DENND2B: variants seen among roughly 807,000 people sequenced by gnomAD.
The protein encoded by DENND2B is DENN domain containing 2B.
A neutral mutation model predicts 116.0 loss-of-function variants in DENND2B; 32 were observed. That is an observed-to-expected ratio of 0.28 (90% CI 0.21 to 0.37). DENND2B has a LOEUF of 0.37. Ranked by LOEUF, DENND2B falls within the 10% of genes least tolerant of loss-of-function variation. DENND2B has a pLI of 1.00. For synonymous variants in DENND2B, 588 were observed against 583.9 expected (o/e 1.01, Z -0.10); for missense variants, 1,276 against 1,477.7 (o/e 0.86, Z 2.24).
intron 4 of DENND2B, among the ~76,000 whole-genome samples, chr11:8,816,509 T>C (rs1486646438): frequency 6.8e-6 from 1 of 147,998 alleles, no homozygotes; most frequent in Non-Finnish European, 1.5e-5. Context: ...CATCATCGCA[T>C]CACTGCACTA....
At chr11:8,889,761 G>A (rs1182105422) in intron 1 of DENND2B, among the ~76,000 whole-genome samples, 1 of 152,224 alleles carries the variant, frequency 6.6e-6, no homozygotes, top group Non-Finnish European at 1.5e-5. Flanking sequence ...AAACTGGGTG[G>A]AGTCCACCGC....
chr11:8,717,354 A>G (rs1323249826), intron 5 of DENND2B, among the ~76,000 whole-genome samples: 1 of 152,222 alleles, frequency 6.6e-6, no homozygotes, highest in Non-Finnish European at 1.5e-5. Flanking sequence ...GCAGAATGCC[A>G]AGACTCCCAC....
intron 14 of DENND2B, among the ~76,000 whole-genome samples, chr11:8,701,166 T>C (rs1420299220): frequency 6.6e-6 from 1 of 152,158 alleles, no homozygotes; most frequent in African/African-American, 2.4e-5. Flanking sequence ...ACCTTTGATA[T>C]GCAAATGAAG....
intron 1 of DENND2B, chr11:8,766,674 C>T (rs1417395654): frequency 1.6e-6 from 2 of 1,289,092 alleles, no homozygotes; most frequent in Admixed American, 2.3e-5. Flanking sequence ...CAGCTATGCG[C>T]CCCACCTCCA....
At chr11:8,905,410 A>C (rs747487211) in intron 1 of DENND2B, among the ~76,000 whole-genome samples, 27 of 152,348 alleles carry the variant, frequency 1.8e-4, no homozygotes, top group Non-Finnish European at 3.2e-4. Context: ...GCATAGAGTT[A>C]AATGTAAAAA....
At chr11:8,766,397 C>T (rs1329314516) in intron 1 of DENND2B, among the ~76,000 whole-genome samples, 1 of 152,176 alleles carries the variant, frequency 6.6e-6, no homozygotes, top group Non-Finnish European at 1.5e-5. Flanking sequence ...CCCCTCTGAA[C>T]TCCCTCCCTG....
At chr11:8,851,070 CAG>C (rs1555214393) in intron 3 of DENND2B, among the ~76,000 whole-genome samples, 1 of 152,084 alleles carries the variant, frequency 6.6e-6, no homozygotes, top group Non-Finnish European at 1.5e-5. Context: ...CACAAAATTT[CAG>C]AGAGATAGGA....
intron 4 of DENND2B, chr11:8,839,170 C>T (rs1448707334): frequency 6.6e-6 from 1 of 152,152 alleles, no homozygotes; most frequent in East Asian, 1.9e-4. Context: ...GAGATGGAAG[C>T]CCTGGGAAAC....
At chr11:8,776,155 C>CACGT (rs2057655371) in intron 1 of DENND2B, 4 of 370,736 alleles carry the variant, frequency 1.1e-5, no homozygotes, top group Admixed American at 3.2e-5. Flanking sequence ...CGCACGCGCG[C>CACGT]GCGCGCACAC....
Position 8,717,774 on chromosome 11 carries a change from A to G in DENND2B, c.1596T>C (p.Pro532=), listed in dbSNP as rs767369219. ...SLDSLHRMWS[P]QDRKYNSPPT... ...GCGGGCTGTTGTACTTCCTGTCCTGAGGACTCCACATCCTGTGCAAAGAGT... is the reference window on the plus strand; with the variant it reads ...GCGGGCTGTTGTACTTCCTGTCCTGGGGACTCCACATCCTGTGCAAAGAGT... Residue 532 remains proline, a synonymous_variant, in exon 5 of 20, where the codon CCT becomes CCC. Coordinates refer to ENST00000313726, the MANE Select transcript of DENND2B (RefSeq NM_213618.2). The G allele has an allele frequency of 1.6e-5, 25 of 1,599,082 alleles. No homozygotes were observed. In the East Asian group the frequency reaches 2.7e-4, roughly 17 times the overall value.
intron 4 of DENND2B, among the ~76,000 whole-genome samples, chr11:8,725,351 T>C (rs908220310): frequency 2.0e-5 from 3 of 147,798 alleles, no homozygotes; most frequent in African/African-American, 7.5e-5. Context: ...TATTTAATTC[T>C]AACAATAACC....
chr11:8,798,353 CTAA>C, intron 1 of DENND2B, among the ~76,000 whole-genome samples: 1 of 152,148 alleles, frequency 6.6e-6, no homozygotes, highest in Non-Finnish European at 1.5e-5. Context: ...TTCGCTTTCT[CTAA>C]CTGGTGACAG....
intron 1 of DENND2B, among the ~76,000 whole-genome samples, chr11:8,884,652 T>A (rs1291569790): frequency 6.6e-6 from 1 of 152,156 alleles, no homozygotes; most frequent in Non-Finnish European, 1.5e-5. Flanking sequence ...CAGAGATAAG[T>A]CACAGAATGG....
intron 2 of DENND2B, among the ~76,000 whole-genome samples, chr11:8,748,464 CA>C (rs1165202433): frequency 1.3e-5 from 2 of 152,216 alleles, no homozygotes; most frequent in Admixed American, 1.3e-4. Flanking sequence ...CCAAAGAACA[CA>C]CCCAGATGTG....
At chr11:8,735,246 A>G (rs2048816356) in intron 2 of DENND2B, among the ~76,000 whole-genome samples, 1 of 152,154 alleles carries the variant, frequency 6.6e-6, no homozygotes, top group Non-Finnish European at 1.5e-5. Context: ...ACCGTCACAT[A>G]AGGAAGCCAG....
intron 4 of DENND2B, among the ~76,000 whole-genome samples, chr11:8,816,860 G>A (rs977744413): frequency 2.0e-5 from 3 of 152,086 alleles, no homozygotes; most frequent in Non-Finnish European, 2.9e-5. Flanking sequence ...AGCATCCTTC[G>A]GCTTGACTGT....
intron 1 of DENND2B, among the ~76,000 whole-genome samples, chr11:8,907,861 A>G (rs1566096794): frequency 6.6e-6 from 1 of 152,030 alleles, no homozygotes; most frequent in Non-Finnish European, 1.5e-5. Flanking sequence ...ATGCCAGGCT[A>G]GTTTTTTAAT....
chr11:8,723,001 T>A (rs574617533), intron 4 of DENND2B, among the ~76,000 whole-genome samples: 2 of 152,254 alleles, frequency 1.3e-5, no homozygotes, highest in South Asian at 2.1e-4. Flanking sequence ...GGTGCTCCCA[T>A]ATTTTTTTTA....
intron 1 of DENND2B, among the ~76,000 whole-genome samples, chr11:8,885,688 G>A (rs1011228230): frequency 6.6e-6 from 1 of 152,108 alleles, no homozygotes; most frequent in Non-Finnish European, 1.5e-5. Flanking sequence ...CAAATATAAT[G>A]TCTATGCCAC....
Sources: gnomAD v4.1 joint callset for allele counts (sites outside exome capture counted in the v4.1 genomes callset) on GRCh38, gnomAD v4.1.1 for gene constraint, MANE v1.5 for transcripts, NCBI Gene and HGNC (gene_info 2026-07-23, HGNC 2026-07-21) for gene names.